Variants in KIAA1328 observed in about 807,000 individuals in gnomAD.
KIAA1328 encodes protein hinderin.
A neutral mutation model predicts 68.1 loss-of-function variants in KIAA1328; 52 were observed. The ratio of observed to expected loss-of-function variants is 0.76; its 90% confidence interval spans 0.61 to 0.96. The LOEUF (loss-of-function observed/expected upper bound fraction) is 0.96. KIAA1328 is among the 40% of genes least tolerant of loss of function. KIAA1328 has a pLI of 0.00. For synonymous variants in KIAA1328, 232 were observed against 239.4 expected (o/e 0.97, Z 0.28); for missense variants, 641 against 677.6 (o/e 0.95, Z 0.60).
At chr18:37,217,240 T>G (rs2060461837) in intron 9 of KIAA1328, among the ~76,000 whole-genome samples, 1 of 152,210 alleles carries the variant, frequency 6.6e-6, no homozygotes, top group Non-Finnish European at 1.5e-5. Flanking sequence ...TTGCTCGTAG[T>G]TGATGCAGTT....
intron 6 of KIAA1328, among the ~76,000 whole-genome samples, chr18:37,057,490 C>T (rs973304330): frequency 3.3e-5 from 5 of 150,520 alleles, no homozygotes; most frequent in African/African-American, 4.9e-5. Flanking sequence ...TGCGGTGGCG[C>T]GATCTCGGCT....
At chr18:37,130,302 A>G (rs913665595) in intron 7 of KIAA1328, among the ~76,000 whole-genome samples, 7 of 152,184 alleles carry the variant, frequency 4.6e-5, no homozygotes, top group Admixed American at 4.6e-4. Flanking sequence ...CTTACTTTTT[A>G]AATGATTTAC....
Position 37,222,616 on chromosome 18 carries a change from C to G in KIAA1328, c.*389C>G. On this transcript the variant is annotated 3_prime_UTR_variant, in exon 10 of 10. Transcript: ENST00000280020. ...AGAAAAACCTTTCCACTGAAAAATC[C>G]CTCTGATTTAAAAGTAACCCCTTTG... 1 of 1,038,492 alleles carries G rather than the reference C, an allele frequency of 9.6e-7. No individual in the cohort carries two copies. The highest frequency in any genetic ancestry group is 3.5e-5 in the South Asian group (1 of 28,586). 64.3% of individuals were successfully genotyped at this position (1,038,492 alleles called of 1,614,324 possible).
At chr18:36,993,677 A>G (rs751172180) in intron 6 of KIAA1328, among the ~76,000 whole-genome samples, 1 of 152,184 alleles carries the variant, frequency 6.6e-6, no homozygotes, top group African/African-American at 2.4e-5. Flanking sequence ...ACTTTAAAGG[A>G]TGTAGTATAA....
intron 7 of KIAA1328, among the ~76,000 whole-genome samples, chr18:37,079,741 G>A (rs940833576): frequency 6.6e-6 from 1 of 151,970 alleles, no homozygotes; most frequent in Non-Finnish European, 1.5e-5. Flanking sequence ...ACAAAAATTA[G>A]CCAGGCATGG....
At chr18:36,965,670 CAA>C (rs35953609) in intron 6 of KIAA1328, among the ~76,000 whole-genome samples, 2 of 141,760 alleles carry the variant, frequency 1.4e-5, no homozygotes. Context: ...TGTGCCTGGC[CAA>C]AAAAAAAAGT....
intron 6 of KIAA1328, among the ~76,000 whole-genome samples, chr18:37,014,698 A>G (rs1333907698): frequency 6.6e-6 from 1 of 152,058 alleles, no homozygotes; most frequent in Non-Finnish European, 1.5e-5. Context: ...CTTTTAGACA[A>G]CCAAATCTCA....
At chr18:37,196,638 A>G (rs998377427) in intron 9 of KIAA1328, among the ~76,000 whole-genome samples, 6 of 152,074 alleles carry the variant, frequency 3.9e-5, no homozygotes, top group Non-Finnish European at 7.4e-5. Flanking sequence ...GATGAATTTC[A>G]CTTGATCATG....
At chr18:36,985,366 A>G (rs2052875104) in intron 6 of KIAA1328, among the ~76,000 whole-genome samples, 1 of 152,196 alleles carries the variant, frequency 6.6e-6, no homozygotes, top group Non-Finnish European at 1.5e-5. Flanking sequence ...AAATTGACAA[A>G]TTGATTGTAA....
In KIAA1328 at chr18:37,097,448, C is replaced by A. The variant is rs533252188; in HGVS notation, c.1232+29903C>A. On this transcript the variant is annotated intron_variant, in intron 7 of 9. Transcript: ENST00000280020. Reference sequence around the variant, plus strand: ...ATTGATCTATATCTCTGTTTTGGTACCAGTACCATGCTATTTTGGTTACTG... The same window carrying A: ...ATTGATCTATATCTCTGTTTTGGTAACAGTACCATGCTATTTTGGTTACTG... Among the ~76,000 whole-genome samples the A allele has an allele frequency of 2.0e-5, 3 of 152,288 alleles. No individual in the cohort carries two copies. In the South Asian group the frequency reaches 6.2e-4, roughly 32 times the overall value.
chr18:37,139,865 G>C (rs1412812540), intron 7 of KIAA1328, among the ~76,000 whole-genome samples: 1 of 152,118 alleles, frequency 6.6e-6, no homozygotes, highest in Admixed American at 6.6e-5. Flanking sequence ...AGTCCCAGTA[G>C]CATTTCTAAT....
chr18:37,121,428 A>ATCTG (rs1449092986), intron 7 of KIAA1328, among the ~76,000 whole-genome samples: 3 of 150,692 alleles, frequency 2.0e-5, no homozygotes, highest in African/African-American at 4.9e-5. Flanking sequence ...CTATCTATCT[A>ATCTG]TCTATCTATC....
chr18:36,915,616 A>G (rs2049662948), intron 5 of KIAA1328, among the ~76,000 whole-genome samples: 1 of 152,198 alleles, frequency 6.6e-6, no homozygotes, highest in Non-Finnish European at 1.5e-5. Flanking sequence ...GAAAACTACA[A>G]TGAGATAGTA....
intron 9 of KIAA1328, among the ~76,000 whole-genome samples, chr18:37,195,937 G>A (rs527678826): frequency 6.6e-6 from 1 of 151,972 alleles, no homozygotes; most frequent in East Asian, 1.9e-4. Context: ...CATGAGCATG[G>A]GATATCTTTC....
chr18:37,030,663 T>A (rs1055793177), intron 6 of KIAA1328, among the ~76,000 whole-genome samples: 4 of 152,042 alleles, frequency 2.6e-5, no homozygotes, highest in Non-Finnish European at 5.9e-5. Flanking sequence ...ATCAGTAGGG[T>A]CAATATTTTT....
At chr18:37,023,404 G>A (rs1235601052) in intron 6 of KIAA1328, among the ~76,000 whole-genome samples, 1 of 151,992 alleles carries the variant, frequency 6.6e-6, no homozygotes, top group Non-Finnish European at 1.5e-5. Flanking sequence ...TTTTAGAAGA[G>A]AGAAGATCTC....
rs537365182 is a variant in KIAA1328 at position 37,162,591 on chromosome 18, G to A, written c.1414+2210G>A. Among the ~76,000 whole-genome samples the A allele has an allele frequency of 2.6e-5, 4 of 152,286 alleles. No homozygotes were observed. The East Asian group carries it at 5.8e-4, about 22-fold the overall frequency. ...GATATAAACTTTCCATGGATGCACA[G>A]TAGACTTGGAAACCCTGTTTATCAT... On this transcript the variant is annotated intron_variant, in intron 8 of 9. Coordinates refer to ENST00000280020, the MANE Select transcript of KIAA1328 (RefSeq NM_020776.3).
intron 5 of KIAA1328, among the ~76,000 whole-genome samples, chr18:36,918,281 C>T (rs1018874091): frequency 6.6e-6 from 1 of 151,574 alleles, no homozygotes; most frequent in Non-Finnish European, 1.5e-5. Flanking sequence ...TCTTACTTTT[C>T]CTTCATGTTT....
chr18:37,156,196 C>T (rs1201689033), intron 7 of KIAA1328, among the ~76,000 whole-genome samples: 1 of 151,924 alleles, frequency 6.6e-6, no homozygotes, highest in Non-Finnish European at 1.5e-5. Flanking sequence ...CACCTGAGGT[C>T]GGGAGTTCGA....
Sources: allele counts gnomAD v4.1 joint callset (sites outside exome capture counted in the v4.1 genomes callset), GRCh38; gene constraint gnomAD v4.1.1; transcripts MANE v1.5; gene names NCBI Gene and HGNC (gene_info 2026-07-23, HGNC 2026-07-21).